The following GNG12 variants were observed in gnomAD, a reference collection of about 807,000 sequenced individuals.
The protein encoded by GNG12 is guanine nucleotide-binding protein G(I)/G(S)/G(O) subunit gamma-12.
For missense variants in GNG12, 69 were observed against 83.8 expected, an observed-to-expected ratio of 0.82 and a Z score of 0.69; for synonymous variants, 28 against 29.7, an observed-to-expected ratio of 0.94 and a Z score of 0.19.
intron 2 of GNG12, among the ~76,000 whole-genome samples, chr1:67,769,651 G>C (rs1378091119): frequency 6.6e-6 from 1 of 152,206 alleles, no homozygotes; most frequent in South Asian, 2.1e-4. Context: ...TATGCAGGTA[G>C]AGGAAACCCA....
At chr1:67,714,743 AC>A (rs1646315287) in intron 2 of GNG12, among the ~76,000 whole-genome samples, 1 of 152,004 alleles carries the variant, frequency 6.6e-6, no homozygotes, top group Non-Finnish European at 1.5e-5. Flanking sequence ...TGAAATCCTT[AC>A]CCCCAGTAAT....
At chr1:67,766,137 CA>C (rs1557610102) in intron 2 of GNG12, among the ~76,000 whole-genome samples, 54 of 148,610 alleles carry the variant, frequency 3.6e-4, no homozygotes, top group African/African-American at 1.2e-3. Context: ...CACACACACA[CA>C]CACACACACA....
At chr1:67,708,562 T>G (rs946087336) in intron 2 of GNG12, among the ~76,000 whole-genome samples, 1 of 152,198 alleles carries the variant, frequency 6.6e-6, no homozygotes, top group Non-Finnish European at 1.5e-5. Context: ...CTTAGCCACC[T>G]GGTGTAAAGC....
At chr1:67,793,860 A>C (rs1646815222) in intron 1 of GNG12, among the ~76,000 whole-genome samples, 1 of 152,172 alleles carries the variant, frequency 6.6e-6, no homozygotes, top group African/African-American at 2.4e-5. Context: ...TTCTTTGACC[A>C]GTTTCAGCAC....
chr1:67,769,320 C>T (rs1010120326), intron 2 of GNG12, among the ~76,000 whole-genome samples: 1 of 152,090 alleles, frequency 6.6e-6, no homozygotes, highest in Non-Finnish European at 1.5e-5. Context: ...AAGGAGGGCA[C>T]GTTGGCAGGG....
intron 1 of GNG12, among the ~76,000 whole-genome samples, chr1:67,822,951 T>C (rs538500343): frequency 6.6e-4 from 101 of 152,302 alleles, no homozygotes; most frequent in African/African-American, 2.4e-3. Flanking sequence ...AAAAGAAAGA[T>C]GATTCCATGC....
intron 1 of GNG12, among the ~76,000 whole-genome samples, chr1:67,827,111 T>G (rs1251005690): frequency 6.6e-6 from 1 of 152,246 alleles, no homozygotes; most frequent in Non-Finnish European, 1.5e-5. Context: ...GATTCAGACT[T>G]CACTCCAGTG....
chr1:67,816,943 C>T (rs17130315), intron 1 of GNG12, among the ~76,000 whole-genome samples: 15,043 of 152,208 alleles, frequency 0.099, 888 homozygotes, highest in African/African-American at 0.11. Flanking sequence ...TAATGTTTGA[C>T]TAGACTCCTC....
intron 1 of GNG12, among the ~76,000 whole-genome samples, chr1:67,830,782 C>A (rs939143861): frequency 1.3e-5 from 2 of 152,216 alleles, no homozygotes; most frequent in Non-Finnish European, 2.9e-5. Flanking sequence ...CACAAACACA[C>A]ACACACCAGT....
intron 2 of GNG12, among the ~76,000 whole-genome samples, chr1:67,767,962 A>C (rs539271952): frequency 6.6e-6 from 1 of 152,310 alleles, no homozygotes; most frequent in East Asian, 1.9e-4. Context: ...CTTTTTTTGG[A>C]GATGGGCTCT....
chr1:67,746,745 T>C (rs1646509867), intron 2 of GNG12, among the ~76,000 whole-genome samples: 2 of 152,236 alleles, frequency 1.3e-5, no homozygotes, highest in Admixed American at 1.3e-4. Flanking sequence ...AGAGTATTAG[T>C]AAGTAATTCA....
chr1:67,832,571 T>G (rs1209033426), intron 1 of GNG12: 1 of 151,338 alleles, frequency 6.6e-6, no homozygotes, highest in Non-Finnish European at 1.5e-5. Flanking sequence ...AAAAACAGAA[T>G]TCACCCTGCC....
At chr1:67,823,105 T>C (rs993972272) in intron 1 of GNG12, among the ~76,000 whole-genome samples, 1 of 152,186 alleles carries the variant, frequency 6.6e-6, no homozygotes, top group Non-Finnish European at 1.5e-5. Context: ...AGGAGCCCAA[T>C]TCAGACAGTA....
chr1:67,737,187 A>T (rs952595755), intron 2 of GNG12, among the ~76,000 whole-genome samples: 17 of 152,246 alleles, frequency 1.1e-4, no homozygotes, highest in Non-Finnish European at 1.9e-4. Flanking sequence ...TCATACTTTC[A>T]TCAACCCTTC....
intron 2 of GNG12, among the ~76,000 whole-genome samples, chr1:67,719,880 T>C (rs1426486757): frequency 6.6e-6 from 1 of 152,178 alleles, no homozygotes; most frequent in African/African-American, 2.4e-5. Flanking sequence ...TCTTCTCTCA[T>C]ATTGACTAAT....
chr1:67,757,009 A>T (rs2100733294), intron 2 of GNG12, among the ~76,000 whole-genome samples: 1 of 152,314 alleles, frequency 6.6e-6, no homozygotes, highest in East Asian at 1.9e-4. Flanking sequence ...TAAATGTGCC[A>T]TTTAAGTTGA....
In GNG12 at chr1:67,715,155, G is replaced by T. The variant is rs143336123; in HGVS notation, c.-26-7443C>A. Among the ~76,000 whole-genome samples, 1,100 of 152,214 alleles carry T rather than the reference G, an allele frequency of 7.2e-3. 9 individuals carry two copies. Among genetic ancestry groups the T allele is most frequent in the African/African-American group, 0.025 (1,037 of 41,542 alleles). Reference sequence around the variant, plus strand: ...GCTGGTCTTGAACTCCTGACCTCGTGATCCACCCGCCTCACCCTCTCAAAG... The same window carrying T: ...GCTGGTCTTGAACTCCTGACCTCGTTATCCACCCGCCTCACCCTCTCAAAG... On this transcript the variant is annotated intron_variant, in intron 2 of 3. Coordinates refer to ENST00000370982, the MANE Select transcript of GNG12 (RefSeq NM_018841.6).
intron 1 of GNG12, among the ~76,000 whole-genome samples, chr1:67,803,142 A>G (rs1209641798): frequency 2.6e-5 from 4 of 152,206 alleles, no homozygotes; most frequent in Non-Finnish European, 5.9e-5. Context: ...ACATTGGTCT[A>G]TGGCCCTCCA....
intron 2 of GNG12, among the ~76,000 whole-genome samples, chr1:67,749,735 G>A (rs575440597): frequency 1.3e-5 from 2 of 152,254 alleles, no homozygotes; most frequent in East Asian, 3.9e-4. Flanking sequence ...ACAGGCTATC[G>A]GCATTCCCAG....
Sources: allele counts gnomAD v4.1 joint callset (sites outside exome capture counted in the v4.1 genomes callset), GRCh38; gene constraint gnomAD v4.1.1; transcripts MANE v1.5; gene names NCBI Gene and HGNC (gene_info 2026-07-23, HGNC 2026-07-21).